Variants in AHR observed in about 807,000 individuals in gnomAD.
AHR encodes AH-receptor.
Under a neutral mutation model 86.8 loss-of-function variants are expected in AHR, and 40 were observed. That is an observed-to-expected ratio of 0.46 (90% CI 0.36 to 0.60). The LOEUF (loss-of-function observed/expected upper bound fraction) is 0.60. Among genes scored for constraint, AHR ranks in the 20% least tolerant of loss-of-function variants. AHR has a pLI of 0.00. For synonymous variants in AHR, 398 were observed against 354.9 expected, an observed-to-expected ratio of 1.12 and a Z score of -1.37; for missense variants, 1,001 against 1,011.6, an observed-to-expected ratio of 0.99 and a Z score of 0.14.
In AHR at chr7:17,302,801, C is replaced by CA. The variant is rs1366332462; in HGVS notation, c.65+3482dup. The stretch of plus-strand genomic sequence containing the variant: ...TGCTACTCTCACAACTAAAACAGAA[C>CA]AAAAAAAAAATATATATATATATAT... On this transcript the variant is annotated intron_variant, in intron 1 of 10. Transcript: ENST00000242057. Among the ~76,000 whole-genome samples, 1,012 of 139,234 alleles carry CA rather than the reference C, an allele frequency of 7.3e-3. 13 individuals carry two copies. The highest frequency in any genetic ancestry group is 0.019 in the African/African-American group (737 of 38,156). 91.3% of individuals were successfully genotyped at this position (139,234 alleles called of 152,430 possible). A position where few individuals can be genotyped will look rare whatever the true frequency, so the allele number is the denominator to read the frequency against.
chr7:17,339,596 A>G lies in AHR; in HGVS notation c.1771A>G (p.Lys591Glu). Residue 591 changes from lysine (K) to glutamate (E), a missense_variant, in exon 10 of 11, where the codon AAG (lysine) becomes GAG (glutamate). Around this residue, in one of 2 missense-constraint regions of AHR, gnomAD observed 607 missense variants for 543.1 expected, o/e 1.12. Coordinates refer to ENST00000242057, the MANE Select transcript of AHR (RefSeq NM_001621.5). ...GACGTATGTCCAAGATTCTTTAAGTAAGTCTCCCTTCATACCTTCAGATTA... is the reference window on the plus strand; with the variant it reads ...GACGTATGTCCAAGATTCTTTAAGTGAGTCTCCCTTCATACCTTCAGATTA... ...ILTYVQDSLSKSPFIPSDYQQ... is the reference protein window; with the variant it reads ...ILTYVQDSLSESPFIPSDYQQ... The G allele has an allele frequency of 1.2e-6, 2 of 1,614,162 alleles. No individual in the cohort carries two copies. Among genetic ancestry groups the G allele is most frequent in the Non-Finnish European group, 1.7e-6 (2 of 1,180,042 alleles).
chr7:17,340,443 G>T (rs1175525923), intron 10 of AHR, among the ~76,000 whole-genome samples: 3 of 151,692 alleles, frequency 2.0e-5, no homozygotes. Context: ...ATTCATGAGG[G>T]AGAAAGATAT....
At position 17,339,266 on chromosome 7, in the gene AHR, T is replaced by C; in HGVS notation, c.1441T>C (p.Phe481Leu). The C allele has an allele frequency of 1.9e-6, 3 of 1,614,176 alleles. No individual in the cohort carries two copies. The highest frequency in any genetic ancestry group is 1.6e-4 in the Middle Eastern group (1 of 6,062). The change falls in exon 10 of 11, where the codon TTT (phenylalanine) becomes CTT (leucine). Residue 481 changes from phenylalanine to leucine, a missense_variant. Around this residue, in one of 2 missense-constraint regions of AHR, gnomAD observed 607 missense variants for 543.1 expected, o/e 1.12. Coordinates refer to ENST00000242057, the MANE Select transcript of AHR (RefSeq NM_001621.5). The part of the protein sequence containing the change: ...PASSTSSTAP[F>L]ENNFFNESMN... ...TTCAAGTACTTCAAGTACTGCACCT[T>C]TTGAAAACAACTTTTTCAACGAATC...
At chr7:17,333,655 A>G (rs1277662355) in intron 6 of AHR, among the ~76,000 whole-genome samples, 2 of 151,850 alleles carry the variant, frequency 1.3e-5, no homozygotes, top group Non-Finnish European at 2.9e-5. Flanking sequence ...AAAATGATAT[A>G]GGTTTTCATG....
intron 3 of AHR, among the ~76,000 whole-genome samples, chr7:17,325,010 T>C (rs557261244): frequency 6.6e-6 from 1 of 152,314 alleles, no homozygotes; most frequent in African/African-American, 2.4e-5. Context: ...GTGACAGGAG[T>C]TGAAATTTTA....
chr7:17,339,560 G>A lies in AHR; in HGVS notation c.1735G>A (p.Asp579Asn), dbSNP rs1782395768. 1 of 1,614,010 alleles carries A rather than the reference G, an allele frequency of 6.2e-7. No homozygotes were observed. The highest frequency in any genetic ancestry group is 1.3e-5 in the African/African-American group (1 of 74,918). The change falls in exon 10 of 11, where the codon GAT becomes AAT. Residue 579 changes from aspartate (D) to asparagine (N), a missense_variant. By Grantham distance (23) the Asp-to-Asn change is conservative. This residue lies in a region of AHR where 607 missense variants were observed against 543.1 expected (regional missense o/e 1.12). Coordinates refer to ENST00000242057, the MANE Select transcript of AHR (RefSeq NM_001621.5). Reference protein sequence around the residue: ...EVDFRDIDLTDEILTYVQDSL... With the variant: ...EVDFRDIDLTNEILTYVQDSL... ...TGACTTCAGAGACATTGACTTAACG[G>A]ATGAAATCCTGACGTATGTCCAAGA... is the stretch of plus-strand genomic sequence containing the variant.
chr7:17,306,990 ATTAT>A (rs1782012431), intron 1 of AHR, among the ~76,000 whole-genome samples: 1 of 152,178 alleles, frequency 6.6e-6, no homozygotes, highest in Non-Finnish European at 1.5e-5. Flanking sequence ...AGTATAAGCA[ATTAT>A]GTTACTTGAC....
chr7:17,322,970 G>C (rs886659233), intron 3 of AHR, among the ~76,000 whole-genome samples: 1 of 152,036 alleles, frequency 6.6e-6, no homozygotes, highest in African/African-American at 2.4e-5. Flanking sequence ...GGAGCAATAA[G>C]TTATACTGTA....
At chr7:17,311,458 G>A (rs1348920149) in intron 2 of AHR, among the ~76,000 whole-genome samples, 2 of 152,150 alleles carry the variant, frequency 1.3e-5, no homozygotes, top group Non-Finnish European at 2.9e-5. Flanking sequence ...CTGGTAATTT[G>A]TGTTTAGAAT....
At chr7:17,342,650 C>G (rs879783873) in intron 10 of AHR, among the ~76,000 whole-genome samples, 6 of 152,096 alleles carry the variant, frequency 3.9e-5, no homozygotes, top group Non-Finnish European at 7.4e-5. Flanking sequence ...CAAAGGCAAT[C>G]TGAAATGAGA....
intron 2 of AHR, among the ~76,000 whole-genome samples, chr7:17,320,181 C>A (rs1299542408): frequency 2.6e-5 from 4 of 151,712 alleles, no homozygotes; most frequent in Admixed American, 6.6e-5. Context: ...TTAATTAAAC[C>A]CTATTCTGGT....
At chr7:17,315,303 A>G (rs897874293) in intron 2 of AHR, among the ~76,000 whole-genome samples, 1 of 152,072 alleles carries the variant, frequency 6.6e-6, no homozygotes, top group Non-Finnish European at 1.5e-5. Flanking sequence ...TGAATAAATT[A>G]ATATGATAGA....
chr7:17,305,921 C>T (rs1000055820), intron 1 of AHR, among the ~76,000 whole-genome samples: 2 of 152,120 alleles, frequency 1.3e-5, no homozygotes, highest in African/African-American at 2.4e-5. Context: ...CTGTTACCAC[C>T]AGCAGTTAAA....
chr7:17,342,552 C>G (rs1204766524), intron 10 of AHR, among the ~76,000 whole-genome samples: 1 of 152,050 alleles, frequency 6.6e-6, no homozygotes, highest in Non-Finnish European at 1.5e-5. Context: ...TAACTTCAAA[C>G]CTGGTCAAAG....
At position 17,337,610 on chromosome 7, in the gene AHR, G is replaced by A. The variant is rs1475023746; in HGVS notation, c.1161-1376G>A. 1.2e-4 allele frequency among the ~76,000 whole-genome samples: 18 copies of A among 150,726 alleles called. No homozygotes were observed. The South Asian group carries it at 3.3e-3, about 28-fold the overall frequency. On this transcript the variant is annotated intron_variant, in intron 9 of 10. Coordinates refer to ENST00000242057, the MANE Select transcript of AHR (RefSeq NM_001621.5). ...CTGCCTCAGCCTCCCAAGTAGCTGG[G>A]ACTACAGGCGCCCGCCACTACGCCC...
chr7:17,323,597 C>T (rs1782196399), intron 3 of AHR, among the ~76,000 whole-genome samples: 1 of 152,014 alleles, frequency 6.6e-6, no homozygotes, highest in African/African-American at 2.4e-5. Flanking sequence ...TCAGTTTCAC[C>T]CACTGAACTG....
At chr7:17,312,042 T>C (rs951425960) in intron 2 of AHR, among the ~76,000 whole-genome samples, 1 of 152,190 alleles carries the variant, frequency 6.6e-6, no homozygotes, top group African/African-American at 2.4e-5. Flanking sequence ...GAATCTAAGG[T>C]GGTGGGACCT....
chr7:17,334,017 C>T lies in AHR; in HGVS notation c.811C>T (p.Pro271Ser). ...PQLALFAIAT[P>S]LQPPSILEIR... ...GTTGGCTTTGTTTGCGATAGCTACTCCACTTCAGCCACCATCCATACTTGA... is the reference window on the plus strand; with the variant it reads ...GTTGGCTTTGTTTGCGATAGCTACTTCACTTCAGCCACCATCCATACTTGA... The change falls in exon 7 of 11, where the codon CCA becomes TCA. Residue 271 changes from proline (P) to serine (S), a missense_variant. Transcript: ENST00000242057. 6.2e-7 allele frequency: 1 copy of T among 1,613,472 alleles called. No individual in the cohort carries two copies. The highest frequency in any genetic ancestry group is 2.2e-5 in the East Asian group (1 of 44,854).
intron 6 of AHR, among the ~76,000 whole-genome samples, chr7:17,331,663 G>A (rs1782296815): frequency 6.6e-6 from 1 of 151,844 alleles, no homozygotes; most frequent in African/African-American, 2.4e-5. Flanking sequence ...TCATGATTGT[G>A]GAATCATCAT....
Sources: allele counts gnomAD v4.1 joint callset (sites outside exome capture counted in the v4.1 genomes callset), GRCh38; gene constraint gnomAD v4.1.1; regional missense constraint gnomAD v4.1.1; transcripts MANE v1.5; gene names NCBI Gene and HGNC (gene_info 2026-07-23, HGNC 2026-07-21).